Variants in WDR74 observed in about 807,000 individuals in gnomAD.
WDR74 encodes the protein WD repeat domain 74, also known as WD repeat-containing protein 74.
Under a neutral mutation model 45.6 loss-of-function variants are expected in WDR74, and 31 were observed. The ratio of observed to expected loss-of-function variants is 0.68; its 90% CI spans 0.51 to 0.92. The LOEUF (loss-of-function observed/expected upper bound fraction) is 0.92. WDR74 is among the 40% of genes least tolerant of loss of function. The probability of loss-of-function intolerance (pLI) is 0.00; values close to 1 mark genes in which losing one functional copy is unlikely to be tolerated. For synonymous variants in WDR74, 191 were observed against 192.4 expected (o/e 0.99, Z 0.06); for missense variants, 455 against 497.2 (o/e 0.92, Z 0.81).
At chr11:62,833,985 A>G (rs953589760) in intron 8 of WDR74, 48 bp from the exon 9 acceptor site, 9 of 1,600,206 alleles carry the variant, frequency 5.6e-6, no homozygotes, top group Non-Finnish European at 7.7e-6. Flanking sequence ...CCAATAACCA[A>G]CCATTCATTG....
intron 3 of WDR74, 65 bp downstream of exon 3, chr11:62,839,049 A>G (rs1372298809): frequency 6.3e-7 from 1 of 1,595,118 alleles, no homozygotes; most frequent in South Asian, 1.1e-5. Flanking sequence ...CCATCATTCC[A>G]GTATCCTCAG....
At chr11:62,841,605 T>C (rs368075471), upstream of WDR74, 20 of 152,286 alleles carry the variant, frequency 1.3e-4, no homozygotes, top group South Asian at 1.2e-3. Flanking sequence ...ACAACGGTTG[T>C]TCTCTCCCCG....
chr11:62,835,824 C>G lies in WDR74; in HGVS notation c.387G>C (p.Val129=). The stretch of plus-strand genomic sequence containing the variant: ...GGCGCATCCTACACACCCCAGGGCC[C>G]ACTCTCAGTTCCAGGAGCTGTAAAG... The part of the protein sequence containing the change: ...TSSDPLLELR[V]GPGVCRMRQD... Residue 129 remains valine, a synonymous_variant, in exon 5 of 11, where the codon GTG becomes GTC. Coordinates refer to ENST00000278856, the MANE Select transcript of WDR74 (RefSeq NM_001369450.1). 6.2e-7 allele frequency: 1 copy of G among 1,612,198 alleles called. No individual in the cohort carries two copies. The highest frequency in any genetic ancestry group is 8.5e-7 in the Non-Finnish European group (1 of 1,179,058).
In WDR74 at chr11:62,839,562, A is replaced by AGCC; in HGVS notation, c.6_8dup (p.Ala6dup). On this transcript the variant is annotated inframe_insertion, in exon 1 of 11. Transcript: ENST00000278856. Reference sequence around the variant, plus strand: ...ACACATGGTTCCAGCGTGCAGCAGCAGCCGCCATGACAAAGCCTGGAGGCA... The same window carrying AGCC: ...ACACATGGTTCCAGCGTGCAGCAGCAGCCGCCGCCATGACAAAGCCTGGAGGCA... 1.9e-6 allele frequency: 3 copies of AGCC among 1,610,212 alleles called. No individual in the cohort carries two copies. The highest frequency in any genetic ancestry group is 2.2e-5 in the East Asian group (1 of 44,862).
intron 3 of WDR74, 54 bp downstream of exon 3, chr11:62,839,060 G>A (rs2085003205): frequency 2.5e-6 from 4 of 1,606,256 alleles, no homozygotes; most frequent in East Asian, 2.2e-5. Flanking sequence ...GTATCCTCAG[G>A]GAGCATCAAC....
upstream of WDR74, among the ~76,000 whole-genome samples, chr11:62,841,243 G>A (rs1484181658): frequency 4.6e-5 from 7 of 152,200 alleles, no homozygotes; most frequent in Non-Finnish European, 5.9e-5. Context: ...CATGAACCCG[G>A]GAGGCGGATG....
Position 62,833,092 on chromosome 11 carries a change from G to A in WDR74, c.1018C>T (p.Leu340=). 6.2e-7 allele frequency: 1 copy of A among 1,612,786 alleles called. No homozygotes were observed. The highest frequency in any genetic ancestry group is 8.5e-7 in the Non-Finnish European group (1 of 1,179,504). ...AGTTCATCTGTCTCTGTGTCTTCTAGGGGCACCTTGTTGGGTTCTTGAGGC... is the reference window on the plus strand; with the variant it reads ...AGTTCATCTGTCTCTGTGTCTTCTAAGGGCACCTTGTTGGGTTCTTGAGGC... The part of the protein sequence containing the change: ...QEPQEPNKVP[L]EDTETDELWA... Residue 340 remains leucine (L), a synonymous_variant, in exon 11 of 11, where the codon CTA becomes TTA. Transcript: ENST00000278856.
At chr11:62,839,693 C>T (rs2134900453), upstream of WDR74, 3 of 1,221,028 alleles carry the variant, frequency 2.5e-6, no homozygotes, top group Admixed American at 2.7e-5. Context: ...AGTAAAGCTT[C>T]CATGCTTGTT....
Position 62,839,103 on chromosome 11 carries a change from A to C in WDR74, c.293+11T>G, listed in dbSNP as rs775564727. ...CTTCGGCCCTGAGTTTAGCGAGGGG[A>C]TTGGTCTTACCCGTCGGCCTGGGCG... On this transcript the variant is annotated intron_variant, in intron 3 of 10. Transcript: ENST00000278856. The C allele has an allele frequency of 5.0e-6, 8 of 1,612,738 alleles. No individual in the cohort carries two copies. Among genetic ancestry groups the C allele is most frequent in the Non-Finnish European group, 6.8e-6 (8 of 1,179,838 alleles).
At chr11:62,841,497 T>C (rs898205200), upstream of WDR74, 1 of 152,118 alleles carries the variant, frequency 6.6e-6, no homozygotes, top group Admixed American at 6.6e-5. Flanking sequence ...CAAACACGCG[T>C]CATTCAACAC....
chr11:62,834,390 G>GGGGGCCCC, intron 7 of WDR74, 37 bp downstream of exon 7: 7 of 1,584,142 alleles, frequency 4.4e-6, no homozygotes, highest in Non-Finnish European at 5.2e-6. Flanking sequence ...CCCTTCTCAA[G>GGGGGCCCC]CCCCACCCTC....
upstream of WDR74, among the ~76,000 whole-genome samples, chr11:62,840,986 C>T (rs923405671): frequency 6.6e-6 from 1 of 152,006 alleles, no homozygotes; most frequent in African/African-American, 2.4e-5. Context: ...AGATCGAGAC[C>T]ATCCTGGTTA....
Position 62,839,549 on chromosome 11 carries a change from A to T in WDR74, c.22T>A (p.Trp8Arg), listed in dbSNP as rs770688561. Residue 8 changes from tryptophan to arginine, a missense_variant, in exon 1 of 11, where the codon TGG becomes AGG. By Grantham distance (101) the Trp-to-Arg change is moderately radical. Transcript: ENST00000278856. MAAAAAR[W>R]NHVWVGTETG... ...TCGGTGCCGACCCACACATGGTTCC[A>T]GCGTGCAGCAGCAGCCGCCATGACA... is the stretch of plus-strand genomic sequence containing the variant. The T allele has an allele frequency of 5.0e-6, 8 of 1,612,064 alleles. No homozygotes were observed. The Admixed American group carries it at 1.3e-4, about 27-fold the overall frequency.
At chr11:62,837,323 T>C (rs917758232) in intron 3 of WDR74, among the ~76,000 whole-genome samples, 2 of 151,682 alleles carry the variant, frequency 1.3e-5, no homozygotes, top group African/African-American at 4.8e-5. Flanking sequence ...TGAAACCCTG[T>C]CTCTAATAAA....
upstream of WDR74, among the ~76,000 whole-genome samples, chr11:62,841,240 C>G (rs1426794983): frequency 6.6e-6 from 1 of 152,124 alleles, no homozygotes; most frequent in Non-Finnish European, 1.5e-5. Flanking sequence ...TCGCATGAAC[C>G]CGGGAGGCGG....
In WDR74 at chr11:62,835,968, G is replaced by C. The variant is rs1355607183; in HGVS notation, c.362C>G (p.Ser121Cys). ...AGGGCAGGGGAGCCTCACTGGGTCA[G>C]AGGATGTGTCCTTGTCCTTGTCATG... is the stretch of plus-strand genomic sequence containing the variant. ...VWHDKDKDTS[S>C]DPLLELRVGP... The change falls in exon 4 of 11, where the codon TCT becomes TGT. Residue 121 changes from serine (S) to cysteine (C), a missense_variant. Coordinates refer to ENST00000278856, the MANE Select transcript of WDR74 (RefSeq NM_001369450.1). The C allele has an allele frequency of 6.3e-7, 1 of 1,594,286 alleles. No homozygotes were observed. The highest frequency in any genetic ancestry group is 2.3e-5 in the East Asian group (1 of 44,278).
rs1328910704 is a variant in WDR74, at chr11:62,834,474, G to A, written c.672C>T (p.Thr224=). The change falls in exon 7 of 11, where the codon ACC becomes ACT. Residue 224 remains threonine, a synonymous_variant. Transcript: ENST00000278856. ...TGGCTGTTAGTGGGTACTCTCCATA[G>A]GTGGTCTCTAGGACTGGCCGGCGCT... The part of the protein sequence containing the change: ...SPQRRPVLET[T]YGEYPLTAMT... The A allele has an allele frequency of 6.3e-7, 1 of 1,591,052 alleles. No individual in the cohort carries two copies. The highest frequency in any genetic ancestry group is 2.3e-5 in the East Asian group (1 of 43,636).
intron 4 of WDR74, 58 bp from the exon 5 acceptor site, chr11:62,835,899 C>T (rs979333182): frequency 1.0e-5 from 16 of 1,586,920 alleles, no homozygotes; most frequent in African/African-American, 4.0e-5. Context: ...CCTTCCCCAG[C>T]GTGATCATTA....
At chr11:62,840,036 TTG>T (rs2085024514), upstream of WDR74, 1 of 155,532 alleles carries the variant, frequency 6.4e-6, no homozygotes, top group African/African-American at 2.4e-5. Flanking sequence ...AACTTCGCCC[TTG>T]TTGCCCAGGC....
Sources: gnomAD v4.1 joint callset for allele counts (sites outside exome capture counted in the v4.1 genomes callset) on GRCh38, gnomAD v4.1.1 for gene constraint, MANE v1.5 for transcripts, NCBI Gene and HGNC (gene_info 2026-07-23, HGNC 2026-07-21) for gene names.